The following DDX52 variants were observed in gnomAD, a reference collection of about 807,000 sequenced individuals.
DDX52 encodes the protein DExD-box helicase 52.
In DDX52, 59 loss-of-function variants were observed where a neutral mutation model predicts 76.1. That is an observed-to-expected ratio of 0.78 (90% CI 0.63 to 0.96). DDX52 has a LOEUF of 0.96. Ranked by LOEUF, DDX52 falls within the 40% of genes least tolerant of loss-of-function variation. The pLI is 0.00. For missense variants in DDX52, 707 were observed against 703.9 expected (o/e 1.00, Z -0.05); for synonymous variants, 231 against 244.1 (o/e 0.95, Z 0.50).
intron 5 of DDX52, among the ~76,000 whole-genome samples, chr17:37,629,228 TACACACACACACAC>T (rs10661586): frequency 0.058 from 7,722 of 133,936 alleles, 457 homozygotes; most frequent in East Asian, 0.3. Context: ...CAAGAAAAAA[TACACACACACACAC>T]ACACACACAC....
chr17:37,616,797 T>C (rs1027025243), intron 14 of DDX52, among the ~76,000 whole-genome samples: 1 of 152,218 alleles, frequency 6.6e-6, no homozygotes, highest in Non-Finnish European at 1.5e-5. Context: ...TCCCAAGTTA[T>C]TAAAAGTATG....
chr17:37,620,976 A>G (rs2030053192), intron 11 of DDX52, 28 bp from the exon 12 acceptor site: 2 of 1,574,254 alleles, frequency 1.3e-6, no homozygotes, highest in Non-Finnish European at 1.7e-6. Flanking sequence ...ATTAAAAAAC[A>G]CATTTTGGGG....
At chr17:37,626,360 ACTCT>A (rs149074036) in intron 7 of DDX52, among the ~76,000 whole-genome samples, 2 of 150,528 alleles carry the variant, frequency 1.3e-5, no homozygotes, top group Non-Finnish European at 1.5e-5. Context: ...TCATGGGGGC[ACTCT>A]CTCTCTCTCT....
Position 37,626,776 on chromosome 17 carries a change from T to G in DDX52, c.932+12A>C, listed in dbSNP as rs1487530760. 1 of 1,600,006 alleles carries G rather than the reference T, an allele frequency of 6.2e-7. No homozygotes were observed. Among genetic ancestry groups the G allele is most frequent in the East Asian group, 2.2e-5 (1 of 44,632 alleles). On this transcript the variant is annotated intron_variant, in intron 7 of 14. Transcript: ENST00000617633. ...AAAATACACACGAAAGACATGAAAA[T>G]ATCATCTATACCTTGCTAGGTCGAT...
chr17:37,614,352 T>G lies in DDX52; in HGVS notation c.1744A>C (p.Lys582Gln). The change falls in exon 15 of 15, where the codon AAA (lysine) becomes CAA (glutamine). Residue 582 changes from lysine to glutamine, a missense_variant and splice_region_variant. Coordinates refer to ENST00000617633, the MANE Select transcript of DDX52 (RefSeq NM_007010.5). ...TTGCTGTTCTGACCAGTGACCTTTT[T>G]CCTGTAAAGAGCAAAGTAAGAAAAA... is the stretch of plus-strand genomic sequence containing the variant. ...CFLEKAKDKQ[K>Q]KVTGQNSKKK... is the part of the protein sequence containing the mutation. The G allele has an allele frequency of 6.2e-7, 1 of 1,610,284 alleles. No homozygotes were observed. Among genetic ancestry groups the G allele is most frequent in the Admixed American group, 1.7e-5 (1 of 59,098 alleles).
At chr17:37,629,228 TACACACACACACACACACACACAC>T (rs10661586) in intron 5 of DDX52, among the ~76,000 whole-genome samples, 112 of 133,968 alleles carry the variant, frequency 8.4e-4, no homozygotes, top group African/African-American at 3.0e-3. Flanking sequence ...CAAGAAAAAA[TACACACACACACACACACACACAC>T]ACACACACAC....
chr17:37,625,230 C>T (rs561513022), intron 8 of DDX52, among the ~76,000 whole-genome samples: 5 of 152,020 alleles, frequency 3.3e-5, no homozygotes, highest in East Asian at 1.9e-4. Flanking sequence ...TGACCTCAGG[C>T]GATCTACCTG....
At position 37,613,721 on chromosome 17, in the gene DDX52, A is replaced by C. The variant is rs150185600; in HGVS notation, c.*575T>G. ...TTCTTCTTGGTAGACAGCTCATGCTACCATCCACAAAGTGAGCAGTGGAAG... is the reference window on the plus strand; with the variant it reads ...TTCTTCTTGGTAGACAGCTCATGCTCCCATCCACAAAGTGAGCAGTGGAAG... On this transcript the variant is annotated 3_prime_UTR_variant, in exon 15 of 15. Transcript: ENST00000617633. 5.9e-5 allele frequency: 9 copies of C among 152,750 alleles called. No individual in the cohort carries two copies. The highest frequency in any genetic ancestry group is 2.2e-4 in the African/African-American group (9 of 41,574). 9.5% of individuals were successfully genotyped at this position (152,750 alleles called of 1,614,324 possible).
chr17:37,631,032 C>T (rs1171310261), intron 4 of DDX52: 2 of 152,142 alleles, frequency 1.3e-5, no homozygotes, highest in Admixed American at 1.3e-4. Context: ...AAGTCAACAG[C>T]ATCATTTAAA....
chr17:37,621,852 T>A (rs1568600496), intron 9 of DDX52, among the ~76,000 whole-genome samples: 2 of 152,366 alleles, frequency 1.3e-5, no homozygotes, highest in East Asian at 3.9e-4. Context: ...TTTATTCTGC[T>A]TAAAATGAAA....
At chr17:37,619,182 C>G (rs1170783793) in intron 13 of DDX52, among the ~76,000 whole-genome samples, 1 of 151,864 alleles carries the variant, frequency 6.6e-6, no homozygotes, top group African/African-American at 2.4e-5. Context: ...AGTTTGAGAC[C>G]AGCCTGGCCA....
chr17:37,631,046 A>G (rs1435720619), intron 4 of DDX52: 2 of 152,252 alleles, frequency 1.3e-5, no homozygotes, highest in African/African-American at 4.8e-5. Context: ...ATTTAAATGT[A>G]TGAATGTATT....
Position 37,619,794 on chromosome 17 carries a change from G to A in DDX52, c.1623C>T (p.Tyr541=). The change falls in exon 13 of 15, where the codon TAC becomes TAT. Residue 541 remains tyrosine, a synonymous_variant. Transcript: ENST00000617633. ...TTAGTAGTTTCTGAAAACCTTTTAT[G>A]TATTCTGGTACAGGACACCCAGCCT... The part of the protein sequence containing the change: ...IQQAGCPVPE[Y]IKGFQKLLSK... 6.2e-7 allele frequency: 1 copy of A among 1,613,784 alleles called. No homozygotes were observed. Among genetic ancestry groups the A allele is most frequent in the Non-Finnish European group, 8.5e-7 (1 of 1,179,930 alleles).
intron 4 of DDX52, among the ~76,000 whole-genome samples, chr17:37,630,603 G>T (rs1301786218): frequency 6.7e-6 from 1 of 150,106 alleles, no homozygotes; most frequent in East Asian, 2.0e-4. Flanking sequence ...TGAGGGCAGA[G>T]TAATTTACAG....
At chr17:37,627,259 G>A (rs572691600) in intron 6 of DDX52, among the ~76,000 whole-genome samples, 3 of 152,134 alleles carry the variant, frequency 2.0e-5, no homozygotes, top group South Asian at 4.1e-4. Context: ...CTGGAGTGCA[G>A]TGGCACAACC....
chr17:37,642,587 G>A, intron 1 of DDX52: 1 of 384,996 alleles, frequency 2.6e-6, no homozygotes, highest in East Asian at 5.0e-5. Flanking sequence ...AACTCTATAA[G>A]GTAAATAGCA....
intron 2 of DDX52, among the ~76,000 whole-genome samples, chr17:37,639,007 A>G (rs1441449125): frequency 6.6e-6 from 1 of 152,070 alleles, no homozygotes; most frequent in Non-Finnish European, 1.5e-5. Flanking sequence ...CCCGACCTCA[A>G]GTGGTCAGCC....
intron 2 of DDX52, 81 bp downstream of exon 2, chr17:37,642,029 G>C: frequency 1.9e-6 from 3 of 1,556,358 alleles, no homozygotes; most frequent in Non-Finnish European, 2.6e-6. Flanking sequence ...CTTATTGTCT[G>C]ACTTGTAGCC....
intron 2 of DDX52, among the ~76,000 whole-genome samples, chr17:37,634,402 TG>T (rs201474148): frequency 0.011 from 1,623 of 151,546 alleles, 24 homozygotes; most frequent in South Asian, 0.039. Context: ...GAGGCCAAGG[TG>T]GGTGGATCAC....
Sources: allele counts gnomAD v4.1 joint callset (sites outside exome capture counted in the v4.1 genomes callset), GRCh38; gene constraint gnomAD v4.1.1; transcripts MANE v1.5; gene names NCBI Gene and HGNC (gene_info 2026-07-23, HGNC 2026-07-21).